The following PAG1 variants were observed in gnomAD, a reference collection of about 807,000 sequenced individuals.
The protein encoded by PAG1 is phosphoprotein membrane anchor with glycosphingolipid microdomains 1, also known as phosphoprotein associated with glycosphingolipid-enriched microdomains 1.
In PAG1, 23 loss-of-function variants were observed where a neutral mutation model predicts 31.7. That is an observed-to-expected ratio of 0.73 (90% CI 0.52 to 1.03). PAG1 has a LOEUF of 1.03. Ranked by LOEUF, PAG1 falls within the 50% of genes least tolerant of loss-of-function variation. The pLI is 0.00. For synonymous variants in PAG1, 214 were observed against 210.3 expected, an observed-to-expected ratio of 1.02 and a Z score of -0.15; for missense variants, 473 against 540.7, an observed-to-expected ratio of 0.87 and a Z score of 1.24.
chr8:81,085,586 T>C (rs978208326), intron 1 of PAG1, among the ~76,000 whole-genome samples: 3 of 152,168 alleles, frequency 2.0e-5, no homozygotes, highest in Non-Finnish European at 2.9e-5. Flanking sequence ...TTACCCTACC[T>C]ATGTCCACAG....
rs1222708330 is a variant in PAG1, at chr8:80,968,907, A to G, written c.*7637T>C. 6.6e-6 allele frequency: 1 copy of G among 152,244 alleles called. No homozygotes were observed. The highest frequency in any genetic ancestry group is 1.9e-4 in the East Asian group (1 of 5,200). 9.4% of individuals were successfully genotyped at this position (152,244 alleles called of 1,614,324 possible). On this transcript the variant is annotated 3_prime_UTR_variant, in exon 9 of 9. Transcript: ENST00000220597. ...CTCAGAGAGACATGAGAACTGAGAC[A>G]CACAGGGGCAGCAAGTCTGAATTTT...
chr8:80,983,650 C>T (rs776321136), intron 7 of PAG1, among the ~76,000 whole-genome samples: 4 of 152,072 alleles, frequency 2.6e-5, no homozygotes, highest in Non-Finnish European at 5.9e-5. Context: ...CAGTTTTTAA[C>T]GTGAAATCTG....
chr8:81,074,427 G>A (rs939294782), intron 1 of PAG1, among the ~76,000 whole-genome samples: 1 of 152,162 alleles, frequency 6.6e-6, no homozygotes, highest in Admixed American at 6.5e-5. Flanking sequence ...GAGAACTGGA[G>A]GGGGTGACAG....
intron 2 of PAG1, among the ~76,000 whole-genome samples, chr8:81,057,832 G>A (rs78808634): frequency 0.11 from 17,024 of 152,124 alleles, 1,066 homozygotes; most frequent in South Asian, 0.22. Context: ...TACTTATAAC[G>A]TAAATCCCTT....
intron 5 of PAG1, among the ~76,000 whole-genome samples, chr8:80,991,267 A>G (rs1433936371): frequency 1.3e-5 from 2 of 152,198 alleles, no homozygotes; most frequent in African/African-American, 4.8e-5. Context: ...ATAGAGGCAA[A>G]AAAGTCCCAT....
At chr8:81,047,469 G>A (rs929374870) in intron 2 of PAG1, among the ~76,000 whole-genome samples, 3 of 152,096 alleles carry the variant, frequency 2.0e-5, no homozygotes, top group Non-Finnish European at 2.9e-5. Flanking sequence ...TCATATGTTT[G>A]TTGACTGCAT....
chr8:81,053,070 G>A (rs925302315), intron 2 of PAG1, among the ~76,000 whole-genome samples: 1 of 152,134 alleles, frequency 6.6e-6, no homozygotes, highest in Admixed American at 6.5e-5. Context: ...TCATAAAAGA[G>A]AATGCAGAGT....
chr8:81,037,345 A>G (rs545309018), intron 2 of PAG1: 122 of 152,322 alleles, frequency 8.0e-4, no homozygotes, highest in African/African-American at 2.9e-3. Flanking sequence ...TTCTATTTCT[A>G]AGCATGCTAC....
chr8:81,105,570 T>C (rs1809680857), intron 1 of PAG1, among the ~76,000 whole-genome samples: 1 of 152,240 alleles, frequency 6.6e-6, no homozygotes, highest in South Asian at 2.1e-4. Context: ...CTGGCTTTTT[T>C]TTAATGAAAA....
intron 2 of PAG1, among the ~76,000 whole-genome samples, chr8:81,046,647 T>C (rs746950407): frequency 1.9e-4 from 29 of 152,214 alleles, no homozygotes; most frequent in Non-Finnish European, 4.0e-4. Context: ...TTGTGACCAC[T>C]CTTGGAAGCC....
Position 80,973,666 on chromosome 8 carries a change from T to C in PAG1, c.*2878A>G, listed in dbSNP as rs1239526424. 1.3e-5 allele frequency: 2 copies of C among 152,232 alleles called. No individual in the cohort carries two copies. The highest frequency in any genetic ancestry group is 3.8e-4 in the East Asian group (2 of 5,198). The allele number at this position is 152,232 out of a possible 1,614,324, so 9.4% of individuals were successfully genotyped here. On this transcript the variant is annotated 3_prime_UTR_variant, in exon 9 of 9. Transcript: ENST00000220597. ...GTTTTTGATAACTACCTTTCATACA[T>C]TTTATTTAAACTGTAGCATTAGCTC...
chr8:81,081,079 C>A (rs946757171), intron 1 of PAG1, among the ~76,000 whole-genome samples: 2 of 152,104 alleles, frequency 1.3e-5, no homozygotes, highest in African/African-American at 4.8e-5. Flanking sequence ...CACCTCCCTG[C>A]GTCTCAGTGT....
intron 1 of PAG1, among the ~76,000 whole-genome samples, chr8:81,107,865 C>G (rs1033400656): frequency 6.6e-6 from 1 of 152,232 alleles, no homozygotes; most frequent in Non-Finnish European, 1.5e-5. Context: ...CCCAATGTGC[C>G]TCTCACAATG....
intron 3 of PAG1, among the ~76,000 whole-genome samples, chr8:80,996,952 T>C (rs1293218672): frequency 6.6e-6 from 1 of 152,032 alleles, no homozygotes; most frequent in Non-Finnish European, 1.5e-5. Context: ...AATCATGGCA[T>C]TTCCAGACTC....
At chr8:81,051,709 T>C (rs1210278538) in intron 2 of PAG1, among the ~76,000 whole-genome samples, 1 of 152,246 alleles carries the variant, frequency 6.6e-6, no homozygotes, top group Non-Finnish European at 1.5e-5. Flanking sequence ...GATGTTTCCT[T>C]TGATCTTTGA....
At chr8:81,041,017 A>G (rs1279726411) in intron 2 of PAG1, among the ~76,000 whole-genome samples, 1 of 152,240 alleles carries the variant, frequency 6.6e-6, no homozygotes, top group Non-Finnish European at 1.5e-5. Flanking sequence ...ACATGGCCGC[A>G]TCTTTGCATG....
chr8:81,093,838 A>G (rs892278932), intron 1 of PAG1, among the ~76,000 whole-genome samples: 8 of 152,194 alleles, frequency 5.3e-5, no homozygotes, highest in African/African-American at 1.9e-4. Flanking sequence ...CAAAGCAGCA[A>G]TCTACACTGT....
intron 5 of PAG1, among the ~76,000 whole-genome samples, chr8:80,988,017 C>T (rs1807461946): frequency 6.6e-6 from 1 of 152,172 alleles, no homozygotes; most frequent in African/African-American, 2.4e-5. Flanking sequence ...CAGTGGATAC[C>T]ATATCCAATA....
At chr8:81,086,144 G>T (rs940272714) in intron 1 of PAG1, among the ~76,000 whole-genome samples, 41 of 150,656 alleles carry the variant, frequency 2.7e-4, no homozygotes, top group Non-Finnish European at 5.2e-4. Context: ...ACCACGCCCG[G>T]CTAATTTTTT....
Sources: gnomAD v4.1 joint callset for allele counts (sites outside exome capture counted in the v4.1 genomes callset) on GRCh38, gnomAD v4.1.1 for gene constraint, MANE v1.5 for transcripts, NCBI Gene and HGNC (gene_info 2026-07-23, HGNC 2026-07-21) for gene names.